The following PCDHB7 variants were observed in gnomAD, a reference collection of about 807,000 sequenced individuals.
PCDHB7 encodes the protein protocadherin beta-7.
For missense variants in PCDHB7, 1,148 were observed against 1,011.6 expected (o/e 1.13, Z -1.83); for synonymous variants, 542 against 463.1 (o/e 1.17, Z -2.19).
chr5:141,172,843 C>G lies in PCDHB7; in HGVS notation c.8C>G (p.Ala3Gly), dbSNP rs1554279829. The change falls in exon 1 of 1, where the codon GCC becomes GGC. Residue 3 changes from alanine to glycine, a missense_variant. Coordinates refer to ENST00000231137, the MANE Select transcript of PCDHB7 (RefSeq NM_018940.4). ...AGACTGATCCAAAGAAGAATGGAGG[C>G]CAGAGTGGAGCGTGCTGTGCAGAAA... Reference protein sequence around the residue: MEARVERAVQKRQ... With the variant: MEGRVERAVQKRQ... 6.2e-7 allele frequency: 1 copy of G among 1,610,570 alleles called. No individual in the cohort carries two copies. The highest frequency in any genetic ancestry group is 2.2e-5 in the East Asian group (1 of 44,818).
rs1351251480 is a variant in PCDHB7, at chr5:141,175,733, C to G, written c.*516C>G. ...CAGTAAGTTCACTAAGTTCCACTAA[C>G]TAATAAGTGACAAAACTGAGCATCC... is the stretch of plus-strand genomic sequence containing the variant. On this transcript the variant is annotated 3_prime_UTR_variant, in exon 1 of 1. Coordinates refer to ENST00000231137, the MANE Select transcript of PCDHB7 (RefSeq NM_018940.4). The G allele has an allele frequency of 1.2e-5, 2 of 173,232 alleles. No individual in the cohort carries two copies. The highest frequency in any genetic ancestry group is 2.8e-5 in the Non-Finnish European group (2 of 72,400). 10.7% of individuals were successfully genotyped at this position (173,232 alleles called of 1,614,324 possible).
In PCDHB7 at chr5:141,172,819, G is replaced by A. The variant is rs1554279826; in HGVS notation, c.-17G>A. ...AGGCTGAGTGAAAGTCATTTTGAAA[G>A]ACTGATCCAAAGAAGAATGGAGGCC... On this transcript the variant is annotated 5_prime_UTR_variant, in exon 1 of 1. Coordinates refer to ENST00000231137, the MANE Select transcript of PCDHB7 (RefSeq NM_018940.4). 1 of 1,595,918 alleles carries A rather than the reference G, an allele frequency of 6.3e-7. No homozygotes were observed. Among genetic ancestry groups the A allele is most frequent in the Non-Finnish European group, 8.6e-7 (1 of 1,167,958 alleles).
chr5:141,172,810 A>C lies in PCDHB7; in HGVS notation c.-26A>C. On this transcript the variant is annotated 5_prime_UTR_variant, in exon 1 of 1. Coordinates refer to ENST00000231137, the MANE Select transcript of PCDHB7 (RefSeq NM_018940.4). ...AGCCGCTGGAGGCTGAGTGAAAGTC[A>C]TTTTGAAAGACTGATCCAAAGAAGA... 6.3e-7 allele frequency: 1 copy of C among 1,585,290 alleles called. No individual in the cohort carries two copies. Among genetic ancestry groups the C allele is most frequent in the Non-Finnish European group, 8.6e-7 (1 of 1,160,614 alleles).
At position 141,173,633 on chromosome 5, in the gene PCDHB7, CAG is replaced by C. The variant is rs781847834; in HGVS notation, c.802_803del (p.Asp268PhefsTer6). ...GTTCCATGGTTGTCTCCGTGTCAGC[CAG>C]AGATTTAGATACCGGAAGTAATGGG... is the stretch of plus-strand genomic sequence containing the variant. ...VGSMVVSVSARDLDTGSNGEI... is the reference protein window; with the variant it reads ...VGSMVVSVSAXDLDTGSNGEI... On this transcript the variant is annotated frameshift_variant, in exon 1 of 1. Transcript: ENST00000231137. LOFTEE classifies it low-confidence loss of function (END_TRUNC). The C allele has an allele frequency of 3.7e-6, 6 of 1,614,170 alleles. 1 individual carries two copies. In the Admixed American group the frequency reaches 1.0e-4, roughly 27 times the overall value.
rs2910313 is a variant in PCDHB7 at position 141,174,000 on chromosome 5, G to C, written c.1165G>C (p.Val389Leu). The C allele has an allele frequency of 0.59, 944,638 of 1,613,774 alleles. 277,306 individuals carry two copies. The highest frequency in any genetic ancestry group is 0.68 in the East Asian group (30,349 of 44,846). Residue 389 changes from valine (V) to leucine (L), a missense_variant, in exon 1 of 1, where the codon GTC becomes CTC. Transcript: ENST00000231137. ...GKTVCSIQDD[V>L]PFILKPSVEN... ...GACAGTGTGCTCCATCCAGGACGAT[G>C]TCCCCTTCATCCTGAAGCCATCTGT...
Position 141,173,766 on chromosome 5 carries a change from G to A in PCDHB7, c.931G>A (p.Ala311Thr), listed in dbSNP as rs201447017. Residue 311 changes from alanine (A) to threonine (T), a missense_variant, in exon 1 of 1, where the codon GCA becomes ACA. Physicochemically the swap from Ala to Thr is moderately conservative, Grantham distance 58. Transcript: ENST00000231137. ...LHLKAQLDYE[A>T]IQTYTLTIQA... Reference sequence around the variant, plus strand: ...TCTTAAAGCGCAATTGGACTATGAGGCAATTCAAACTTACACATTAACTAT... The same window carrying A: ...TCTTAAAGCGCAATTGGACTATGAGACAATTCAAACTTACACATTAACTAT... The A allele has an allele frequency of 5.1e-5, 82 of 1,612,364 alleles. No homozygotes were observed. Among genetic ancestry groups the A allele is most frequent in the African/African-American group, 1.1e-4 (8 of 74,728 alleles).
rs1046848461 is a variant in PCDHB7, at chr5:141,173,418, G to A, written c.583G>A (p.Val195Met). ...GGAGGGGAATATCTATCCCGAATTG[G>A]TGCTGAATCAAGTGCTGGATCGGGA... is the stretch of plus-strand genomic sequence containing the variant. ...SGEGNIYPEL[V>M]LNQVLDREEI... Residue 195 changes from valine (V) to methionine (M), a missense_variant, in exon 1 of 1, where the codon GTG (valine) becomes ATG (methionine). Transcript: ENST00000231137. 2 of 1,614,148 alleles carry A rather than the reference G, an allele frequency of 1.2e-6. No homozygotes were observed. Among genetic ancestry groups the A allele is most frequent in the Non-Finnish European group, 8.5e-7 (1 of 1,180,016 alleles).
In PCDHB7 at chr5:141,174,482, G is replaced by A. The variant is rs782788230; in HGVS notation, c.1647G>A (p.Val549=). ...TGAGCAGCGAGGCGCTGGTGCGCGTGCTGGTGCTGGACGCCAACGACAACT... is the reference window on the plus strand; with the variant it reads ...TGAGCAGCGAGGCGCTGGTGCGCGTACTGGTGCTGGACGCCAACGACAACT... The part of the protein sequence containing the change: ...PALSSEALVR[V]LVLDANDNSP... The change falls in exon 1 of 1, where the codon GTG becomes GTA. Residue 549 remains valine, a synonymous_variant. Transcript: ENST00000231137. 1.3e-5 allele frequency: 21 copies of A among 1,611,128 alleles called. No homozygotes were observed. The East Asian group carries it at 1.8e-4, about 14-fold the overall frequency.
Position 141,174,107 on chromosome 5 carries a change from C to T in PCDHB7, c.1272C>T (p.Thr424=), listed in dbSNP as rs200542676. 6 of 1,614,040 alleles carry T rather than the reference C, an allele frequency of 3.7e-6. No individual in the cohort carries two copies. Among genetic ancestry groups the T allele is most frequent in the South Asian group, 2.2e-5 (2 of 91,080 alleles). The part of the protein sequence containing the change: ...NTEYNITITV[T]DLGTPRLKTE... ...AGTACAACATCACCATCACCGTCAC[C>T]GACTTGGGGACACCCAGGCTGAAAA... Residue 424 remains threonine (T), a synonymous_variant, in exon 1 of 1, where the codon ACC becomes ACT. Transcript: ENST00000231137.
Position 141,174,302 on chromosome 5 carries a change from C to G in PCDHB7, c.1467C>G (p.Ser489=), listed in dbSNP as rs116385417. The change falls in exon 1 of 1, where the codon TCC becomes TCG. Residue 489 remains serine (S), a synonymous_variant. Coordinates refer to ENST00000231137, the MANE Select transcript of PCDHB7 (RefSeq NM_018940.4). ...GCACCAACGCCCAGGTCATCTACTCCCTGCTGCCGTCCCAGGACCCGCACC... is the reference window on the plus strand; with the variant it reads ...GCACCAACGCCCAGGTCATCTACTCGCTGCTGCCGTCCCAGGACCCGCACC... ...DSGTNAQVIY[S]LLPSQDPHLP... 2.5e-3 allele frequency: 4,048 copies of G among 1,600,262 alleles called. 29 individuals are homozygous for G. Among genetic ancestry groups the G allele is most frequent in the Non-Finnish European group, 2.7e-3 (3,153 of 1,168,124 alleles).
At position 141,172,999 on chromosome 5, in the gene PCDHB7, G is replaced by A. The variant is rs868924096; in HGVS notation, c.164G>A (p.Gly55Glu). ...AACTTGGCAAAAGACCTAGGGTTAGGGGTAGGGGAACTGAGAGCCCGGGGA... is the reference window on the plus strand; with the variant it reads ...AACTTGGCAAAAGACCTAGGGTTAGAGGTAGGGGAACTGAGAGCCCGGGGA... The part of the protein sequence containing the change: ...LTNLAKDLGL[G>E]VGELRARGTR... Residue 55 changes from glycine to glutamate, a missense_variant, in exon 1 of 1, where the codon GGG becomes GAG. Transcript: ENST00000231137. The A allele has an allele frequency of 6.2e-7, 1 of 1,614,160 alleles. No individual in the cohort carries two copies. Among genetic ancestry groups the A allele is most frequent in the Non-Finnish European group, 8.5e-7 (1 of 1,180,030 alleles).
chr5:141,173,130 A>T lies in PCDHB7; in HGVS notation c.295A>T (p.Arg99Ter), dbSNP rs151251979. Reference protein sequence around the residue: ...KLDREELCGPREPCVLPFQLL... With the variant: ...KLDREELCGP The stretch of plus-strand genomic sequence containing the variant: ...GGACCGAGAGGAACTGTGTGGCCCC[A>T]GAGAGCCCTGTGTGCTGCCTTTCCA... The change falls in exon 1 of 1, where the codon AGA becomes TGA. Residue 99 changes from arginine to a stop codon, truncating the protein, a stop_gained. Transcript: ENST00000231137. LOFTEE classifies it low-confidence loss of function (END_TRUNC). 2 of 1,614,108 alleles carry T rather than the reference A, an allele frequency of 1.2e-6. No homozygotes were observed. Among genetic ancestry groups the T allele is most frequent in the African/African-American group, 2.7e-5 (2 of 74,948 alleles).
At position 141,175,638 on chromosome 5, in the gene PCDHB7, CT is replaced by C. The variant is rs1169556973; in HGVS notation, c.*425del. 5.2e-6 allele frequency: 1 copy of C among 193,554 alleles called. No homozygotes were observed. The highest frequency in any genetic ancestry group is 1.7e-4 in the East Asian group (1 of 5,824). 12.0% of individuals were successfully genotyped at this position (193,554 alleles called of 1,614,324 possible). Reference sequence around the variant, plus strand: ...TAATGCATCATACACTATTTTAACACTTTTAATCTGAGAAGAAGCATATGAG... The same window carrying C: ...TAATGCATCATACACTATTTTAACACTTTAATCTGAGAAGAAGCATATGAG... On this transcript the variant is annotated 3_prime_UTR_variant, in exon 1 of 1. Coordinates refer to ENST00000231137, the MANE Select transcript of PCDHB7 (RefSeq NM_018940.4).
In PCDHB7 at chr5:141,176,314, T is replaced by C. The variant is rs1391560858; in HGVS notation, c.*1097T>C. 1 of 167,126 alleles carries C rather than the reference T, an allele frequency of 6.0e-6. No individual in the cohort carries two copies. Among genetic ancestry groups the C allele is most frequent in the Non-Finnish European group, 1.5e-5 (1 of 68,134 alleles). 10.4% of individuals were successfully genotyped at this position (167,126 alleles called of 1,614,324 possible). A position where few individuals can be genotyped will look rare whatever the true frequency, so the allele number is the denominator to read the frequency against. On this transcript the variant is annotated 3_prime_UTR_variant, in exon 1 of 1. Coordinates refer to ENST00000231137, the MANE Select transcript of PCDHB7 (RefSeq NM_018940.4). ...AGAATAGTTAGTTTTAAATGCATAATATCAAAGAGAATCATAGATGATCAT... is the reference window on the plus strand; with the variant it reads ...AGAATAGTTAGTTTTAAATGCATAACATCAAAGAGAATCATAGATGATCAT...
At position 141,173,407 on chromosome 5, in the gene PCDHB7, A is replaced by G. The variant is rs781926667; in HGVS notation, c.572A>G (p.Tyr191Cys). 2.4e-5 allele frequency: 39 copies of G among 1,614,170 alleles called. 1 individual carries two copies. The highest frequency in any genetic ancestry group is 3.1e-5 in the Non-Finnish European group (37 of 1,180,008). The part of the protein sequence containing the change: ...NVHDSGEGNI[Y>C]PELVLNQVLD... ...CATGATAGCGGGGAGGGGAATATCT[A>G]TCCCGAATTGGTGCTGAATCAAGTG... Residue 191 changes from tyrosine to cysteine, a missense_variant, in exon 1 of 1, where the codon TAT becomes TGT. By Grantham distance (194) the Tyr-to-Cys change is radical. Coordinates refer to ENST00000231137, the MANE Select transcript of PCDHB7 (RefSeq NM_018940.4).
In PCDHB7 at chr5:141,175,857, A is replaced by T. The variant is rs534566196; in HGVS notation, c.*640A>T. ...CTGGCAAGTTTCTGCCTAATTAAGG[A>T]GAAGTCTTTTATCATATTTATACTG... is the stretch of plus-strand genomic sequence containing the variant. On this transcript the variant is annotated 3_prime_UTR_variant, in exon 1 of 1. Coordinates refer to ENST00000231137, the MANE Select transcript of PCDHB7 (RefSeq NM_018940.4). The T allele has an allele frequency of 1.2e-5, 2 of 167,544 alleles. No individual in the cohort carries two copies. Among genetic ancestry groups the T allele is most frequent in the East Asian group, 3.8e-4 (2 of 5,198 alleles). 10.4% of individuals were successfully genotyped at this position (167,544 alleles called of 1,614,324 possible).
In PCDHB7 at chr5:141,173,038, C is replaced by T; in HGVS notation, c.203C>T (p.Ser68Leu). ...ELRARGTRIV[S>L]DQNMQILLLS... Reference sequence around the variant, plus strand: ...AGAGCCCGGGGAACTAGAATTGTTTCAGACCAGAACATGCAAATTTTACTG... The same window carrying T: ...AGAGCCCGGGGAACTAGAATTGTTTTAGACCAGAACATGCAAATTTTACTG... Residue 68 changes from serine (S) to leucine (L), a missense_variant, in exon 1 of 1, where the codon TCA becomes TTA. Physicochemically the swap from Ser to Leu is moderately radical, Grantham distance 145. Transcript: ENST00000231137. 6.2e-7 allele frequency: 1 copy of T among 1,614,216 alleles called. No individual in the cohort carries two copies. The highest frequency in any genetic ancestry group is 8.5e-7 in the Non-Finnish European group (1 of 1,180,044).
In PCDHB7 at chr5:141,173,873, G is replaced by C. The variant is rs781939943; in HGVS notation, c.1038G>C (p.Glu346Asp). 3.7e-6 allele frequency: 6 copies of C among 1,613,824 alleles called. No homozygotes were observed. Among genetic ancestry groups the C allele is most frequent in the Non-Finnish European group, 5.1e-6 (6 of 1,179,814 alleles). ...CAGATATAAACGATAATCGACCCGA[G>C]CTGCTCCTGTCTTCACTTACTAGCC... ...DVTDINDNRP[E>D]LLLSSLTSPI... is the part of the protein sequence containing the mutation. The change falls in exon 1 of 1, where the codon GAG becomes GAC. Residue 346 changes from glutamate (E) to aspartate (D), a missense_variant. Glu to Asp is a conservative substitution (Grantham distance 45). Coordinates refer to ENST00000231137, the MANE Select transcript of PCDHB7 (RefSeq NM_018940.4).
Position 141,174,742 on chromosome 5 carries a change from C to A in PCDHB7, c.1907C>A (p.Ala636Asp), listed in dbSNP as rs1439134700. The change falls in exon 1 of 1, where the codon GCC becomes GAC. Residue 636 changes from alanine to aspartate, a missense_variant. Physicochemically the swap from Ala to Asp is moderately radical, Grantham distance 126. Transcript: ENST00000231137. ...AGGCTGCTGAGCGAGCGCGACGCAG[C>A]CAAGCAGAGGCTGGTGGTGCTGGTC... ...TARLLSERDA[A>D]KQRLVVLVKD... The A allele has an allele frequency of 6.2e-7, 1 of 1,611,290 alleles. No individual in the cohort carries two copies. The highest frequency in any genetic ancestry group is 1.3e-5 in the African/African-American group (1 of 74,990).
Sources: gnomAD v4.1 joint callset for allele counts on GRCh38, gnomAD v4.1.1 for gene constraint, MANE v1.5 for transcripts, NCBI Gene and HGNC (gene_info 2026-07-23, HGNC 2026-07-21) for gene names.